The following VEPH1 variants were observed in gnomAD, a reference collection of about 807,000 sequenced individuals.
VEPH1 encodes ventricular zone expressed PH domain containing 1, also known as ventricular zone-expressed PH domain-containing protein homolog 1.
In VEPH1, 80 loss-of-function variants were observed where a neutral mutation model predicts 85.2. That is an observed-to-expected ratio of 0.94 (90% CI 0.78 to 1.13). The LOEUF (loss-of-function observed/expected upper bound fraction) is 1.13. VEPH1 is among the 50% of genes most tolerant of loss of function. VEPH1 has a pLI of 0.00. For missense variants in VEPH1, 955 were observed against 980.5 expected (o/e 0.97, Z 0.35); for synonymous variants, 297 against 348.0 (o/e 0.85, Z 1.63).
intron 9 of VEPH1, among the ~76,000 whole-genome samples, chr3:157,328,298 A>G (rs1722147237): frequency 1.3e-5 from 2 of 152,190 alleles, no homozygotes; most frequent in Non-Finnish European, 2.9e-5. Context: ...CATTATCATG[A>G]TCACTGTTAC....
rs144894236 is a variant in VEPH1 at position 157,399,386 on chromosome 3, C to T, written c.906+14495G>A. 3.4e-3 allele frequency among the ~76,000 whole-genome samples: 525 copies of T among 152,276 alleles called. 4 individuals carry two copies. Among genetic ancestry groups the T allele is most frequent in the African/African-American group, 0.012 (500 of 41,560 alleles). Reference sequence around the variant, plus strand: ...TACGTGATTACATCAAAACACTATACAACTTAAACTTTTCTTTGTGACCTG... The same window carrying T: ...TACGTGATTACATCAAAACACTATATAACTTAAACTTTTCTTTGTGACCTG... On this transcript the variant is annotated intron_variant, in intron 6 of 13. Transcript: ENST00000362010.
intron 6 of VEPH1, among the ~76,000 whole-genome samples, chr3:157,386,904 A>G (rs1278735369): frequency 1.3e-5 from 2 of 152,236 alleles, no homozygotes; most frequent in Non-Finnish European, 2.9e-5. Flanking sequence ...GTATTATTGT[A>G]AAAATAGCTT....
intron 2 of VEPH1, among the ~76,000 whole-genome samples, chr3:157,471,894 T>C (rs1237152672): frequency 6.6e-6 from 1 of 152,182 alleles, no homozygotes; most frequent in Non-Finnish European, 1.5e-5. Flanking sequence ...GGCCTTATTG[T>C]TTTTCCTTTT....
chr3:157,264,183 T>A (rs1299717680), intron 13 of VEPH1, among the ~76,000 whole-genome samples: 1 of 152,254 alleles, frequency 6.6e-6, no homozygotes, highest in Non-Finnish European at 1.5e-5. Flanking sequence ...CATTCTCTCC[T>A]GCCTGTGGAT....
Position 157,318,638 on chromosome 3 carries a change from A to AAGAAAGAAAG in VEPH1, c.1736-1447_1736-1438dup, listed in dbSNP as rs1553763846. The stretch of plus-strand genomic sequence containing the variant: ...ACAAAACAAAACAAAAAAAAAAAGA[A>AAGAAAGAAAG]AGAAAGAAAGAAAGAATGAAAGAAA... On this transcript the variant is annotated intron_variant, in intron 9 of 13. Transcript: ENST00000362010. Among the ~76,000 whole-genome samples the AAGAAAGAAAG allele has an allele frequency of 2.2e-3, 323 of 144,910 alleles. 1 individual carries two copies. The highest frequency in any genetic ancestry group is 3.8e-3 in the Non-Finnish European group (250 of 65,368).
At chr3:157,311,060 A>G (rs1321511674) in intron 11 of VEPH1, among the ~76,000 whole-genome samples, 1 of 152,218 alleles carries the variant, frequency 6.6e-6, no homozygotes, top group African/African-American at 2.4e-5. Context: ...TCTTCAATTG[A>G]TATGTATTAT....
intron 11 of VEPH1, among the ~76,000 whole-genome samples, chr3:157,304,390 G>A (rs1206530452): frequency 6.6e-6 from 1 of 152,134 alleles, no homozygotes; most frequent in Non-Finnish European, 1.5e-5. Flanking sequence ...CATTTCTGCA[G>A]CATACAACAT....
chr3:157,374,095 G>T (rs1165917256), intron 7 of VEPH1, among the ~76,000 whole-genome samples: 1 of 152,160 alleles, frequency 6.6e-6, no homozygotes, highest in Non-Finnish European at 1.5e-5. Context: ...ATAACAGCTG[G>T]AACATAAATG....
chr3:157,332,061 T>C (rs1023044749), intron 9 of VEPH1, among the ~76,000 whole-genome samples: 1 of 152,232 alleles, frequency 6.6e-6, no homozygotes, highest in Non-Finnish European at 1.5e-5. Flanking sequence ...TTTAAAATAC[T>C]GCCCAGTACA....
intron 4 of VEPH1, among the ~76,000 whole-genome samples, chr3:157,449,590 G>T (rs566096116): frequency 1.8e-3 from 274 of 152,094 alleles, no homozygotes; most frequent in African/African-American, 6.3e-3. Context: ...TTGATATCTG[G>T]TACGGAAATT....
At chr3:157,374,266 T>G (rs1357522514) in intron 7 of VEPH1, among the ~76,000 whole-genome samples, 1 of 151,370 alleles carries the variant, frequency 6.6e-6, no homozygotes, top group Non-Finnish European at 1.5e-5. Context: ...TAGACCTCTC[T>G]AGATTGAAAA....
At chr3:157,347,954 A>T (rs371155114) in intron 9 of VEPH1, among the ~76,000 whole-genome samples, 5 of 152,310 alleles carry the variant, frequency 3.3e-5, no homozygotes, top group African/African-American at 1.2e-4. Flanking sequence ...TTGAGACCAG[A>T]CATCTCTGGA....
At chr3:157,369,259 C>T (rs928873976) in intron 7 of VEPH1, among the ~76,000 whole-genome samples, 4 of 146,070 alleles carry the variant, frequency 2.7e-5, no homozygotes, top group Non-Finnish European at 5.9e-5. Context: ...CCTGGCCCTT[C>T]AGGGTTTGGG....
chr3:157,438,623 G>A (rs115111756), intron 4 of VEPH1, among the ~76,000 whole-genome samples: 2,283 of 152,272 alleles, frequency 0.015, 21 homozygotes, highest in Non-Finnish European at 0.024. Context: ...GGGGATCCCA[G>A]CTCCACCCCA....
At chr3:157,403,804 T>C (rs1730945655) in intron 6 of VEPH1, among the ~76,000 whole-genome samples, 1 of 152,112 alleles carries the variant, frequency 6.6e-6, no homozygotes, top group African/African-American at 2.4e-5. Flanking sequence ...TCTGGAAACA[T>C]ATATGCATCA....
Position 157,470,306 on chromosome 3 carries a change from T to C in VEPH1, c.354+8A>G, listed in dbSNP as rs377498015. ...TATCAAATAGCCTGATGTTGAACAC[T>C]GACATACCTGTAAAATGCAACTCAT... is the stretch of plus-strand genomic sequence containing the variant. On this transcript the variant is annotated splice_region_variant and intron_variant, in intron 3 of 13. Coordinates refer to ENST00000362010, the MANE Select transcript of VEPH1 (RefSeq NM_001167912.2). The C allele has an allele frequency of 6.2e-7, 1 of 1,613,958 alleles. No homozygotes were observed. Among genetic ancestry groups the C allele is most frequent in the Non-Finnish European group, 8.5e-7 (1 of 1,179,884 alleles).
At chr3:157,500,465 G>A (rs1740014605) in intron 1 of VEPH1, among the ~76,000 whole-genome samples, 1 of 152,178 alleles carries the variant, frequency 6.6e-6, no homozygotes, top group Non-Finnish European at 1.5e-5. Flanking sequence ...CCAGGAGAAC[G>A]ACCTCGTAAA....
intron 7 of VEPH1, among the ~76,000 whole-genome samples, chr3:157,373,127 G>C (rs1209603820): frequency 6.6e-6 from 1 of 152,060 alleles, no homozygotes; most frequent in Non-Finnish European, 1.5e-5. Flanking sequence ...TTACAGATGA[G>C]GAAACTGAGG....
At chr3:157,363,270 A>G (rs1726255409) in intron 9 of VEPH1, 94 bp downstream of exon 9, 1 of 1,261,430 alleles carries the variant, frequency 7.9e-7, no homozygotes, top group African/African-American at 1.5e-5. Context: ...CAAAAGATCC[A>G]GAAAAGAGTA....
Sources: allele counts gnomAD v4.1 joint callset (sites outside exome capture counted in the v4.1 genomes callset), GRCh38; gene constraint gnomAD v4.1.1; transcripts MANE v1.5; gene names NCBI Gene and HGNC (gene_info 2026-07-23, HGNC 2026-07-21).